The following SCN9A variants were observed in gnomAD, a reference collection of about 807,000 sequenced individuals.
SCN9A encodes sodium channel protein type 9 subunit alpha.
In SCN9A, 131 loss-of-function variants were observed where a neutral mutation model predicts 187.0. The ratio of observed to expected loss-of-function variants is 0.70; its 90% confidence interval spans 0.61 to 0.81. The LOEUF is 0.81. Ranked by LOEUF, SCN9A falls within the 30% of genes least tolerant of loss-of-function variation. SCN9A has a pLI of 0.00. For missense variants in SCN9A, 2,252 were observed against 2,396.6 expected, an observed-to-expected ratio of 0.94 and a Z score of 1.26; for synonymous variants, 809 against 808.6, an observed-to-expected ratio of 1.00 and a Z score of -0.01.
At position 166,252,485 on chromosome 2, in the gene SCN9A, G is replaced by A. The variant is rs573049879; in HGVS notation, c.3352-600C>T. Among the ~76,000 whole-genome samples, 9 of 151,836 alleles carry A rather than the reference G, an allele frequency of 5.9e-5. No homozygotes were observed. The South Asian group carries it at 6.2e-4, about 11-fold the overall frequency. On this transcript the variant is annotated intron_variant, in intron 17 of 26. Coordinates refer to ENST00000642356, the MANE Select transcript of SCN9A (RefSeq NM_001365536.1). ...TGATCAAGACCACAAAATCAAATAC[G>A]GTTTTGAAATCAAAATGCCAATGAC...
intron 1 of SCN9A, among the ~76,000 whole-genome samples, chr2:166,341,306 C>T (rs1326793321): frequency 1.3e-5 from 2 of 152,150 alleles, no homozygotes; most frequent in East Asian, 1.9e-4. Flanking sequence ...AAAATATAAA[C>T]TGCAAAGATT....
intron 4 of SCN9A, 135 bp from the exon 5 acceptor site, chr2:166,306,055 C>G: frequency 1.1e-6 from 1 of 908,670 alleles, no homozygotes; most frequent in Non-Finnish European, 1.7e-6. Context: ...TGGACACACC[C>G]TATTAAACTA....
At chr2:166,331,932 C>A (rs760557658) in intron 1 of SCN9A, among the ~76,000 whole-genome samples, 20 of 152,038 alleles carry the variant, frequency 1.3e-4, no homozygotes, top group Non-Finnish European at 2.8e-4. Flanking sequence ...ATCCAATCTT[C>A]CTTCTTATCT....
At position 166,242,653 on chromosome 2, in the gene SCN9A, C is replaced by T. The variant is rs1018959938; in HGVS notation, c.3476G>A (p.Cys1159Tyr). The stretch of plus-strand genomic sequence containing the variant: ...TTGGCAGCATGAGAACCTCCATACA[C>T]AACCTGACAAGAAAGACATGCATGT... Reference protein sequence around the residue: ...DEPEACFTDGCVWRFSCCQVN... With the variant: ...DEPEACFTDGYVWRFSCCQVN... Residue 1159 changes from cysteine to tyrosine, a missense_variant, in exon 19 of 27, where the codon TGT (cysteine) becomes TAT (tyrosine). Transcript: ENST00000642356. 5.8e-6 allele frequency: 9 copies of T among 1,546,114 alleles called. No individual in the cohort carries two copies. Among genetic ancestry groups the T allele is most frequent in the Admixed American group, 3.9e-5 (2 of 50,648 alleles).
chr2:166,264,977 G>A, intron 17 of SCN9A, among the ~76,000 whole-genome samples: 1 of 151,946 alleles, frequency 6.6e-6, no homozygotes, highest in East Asian at 1.9e-4. Context: ...GGGTACATGT[G>A]ATAGTTTGAT....
At chr2:166,346,087 G>C (rs980356772) in intron 1 of SCN9A, among the ~76,000 whole-genome samples, 1 of 152,132 alleles carries the variant, frequency 6.6e-6, no homozygotes, top group African/African-American at 2.4e-5. Flanking sequence ...GGGCTTTTGA[G>C]TAACCTGTGC....
At chr2:166,311,974 G>C (rs1308234252) in intron 1 of SCN9A, among the ~76,000 whole-genome samples, 168 bp from the exon 2 acceptor site, 2 of 152,080 alleles carry the variant, frequency 1.3e-5, no homozygotes, top group Non-Finnish European at 2.9e-5. Flanking sequence ...CAATGGGCGG[G>C]ACTTATCTTT....
At chr2:166,348,783 C>A (rs1699963258) in intron 1 of SCN9A, among the ~76,000 whole-genome samples, 1 of 151,996 alleles carries the variant, frequency 6.6e-6, no homozygotes, top group South Asian at 2.1e-4. Flanking sequence ...TAATTCTTCC[C>A]TCAGGAGCCA....
At chr2:166,262,319 G>T (rs1472003589) in intron 17 of SCN9A, among the ~76,000 whole-genome samples, 1 of 151,938 alleles carries the variant, frequency 6.6e-6, no homozygotes, top group East Asian at 1.9e-4. Flanking sequence ...AAAGGAAAGG[G>T]TTATGTAGTC....
chr2:166,292,132 G>A (rs1698101530), intron 9 of SCN9A, among the ~76,000 whole-genome samples: 1 of 152,002 alleles, frequency 6.6e-6, no homozygotes, highest in African/African-American at 2.4e-5. Flanking sequence ...GAGTGAACAG[G>A]CAAACTATAG....
chr2:166,346,304 C>A (rs966212460), intron 1 of SCN9A, among the ~76,000 whole-genome samples: 1 of 152,284 alleles, frequency 6.6e-6, no homozygotes, highest in African/African-American at 2.4e-5. Flanking sequence ...TAGCAAAGAT[C>A]ATAGTATTAT....
At chr2:166,369,955 C>A (rs549417854) in intron 1 of SCN9A, among the ~76,000 whole-genome samples, 65 of 152,166 alleles carry the variant, frequency 4.3e-4, no homozygotes, top group African/African-American at 1.5e-3. Context: ...CAGGGGTGAC[C>A]AGCTGTGCCT....
intron 10 of SCN9A, among the ~76,000 whole-genome samples, chr2:166,288,091 GTT>G (rs1301116986): frequency 4.4e-5 from 3 of 67,578 alleles, no homozygotes; most frequent in Admixed American, 1.5e-4. Context: ...AGTTCCATGT[GTT>G]TATATATATA....
Position 166,228,794 on chromosome 2 carries a change from G to T in SCN9A, c.4103C>A (p.Ser1368Tyr). 2 of 1,613,796 alleles carry T rather than the reference G, an allele frequency of 1.2e-6. 1 individual carries two copies. The highest frequency in any genetic ancestry group is 2.2e-5 in the South Asian group (2 of 91,072). The change falls in exon 22 of 27, where the codon TCC becomes TAC. Residue 1368 changes from serine (S) to tyrosine (Y), a missense_variant. By Grantham distance (144) the Ser-to-Tyr change is moderately radical. Transcript: ENST00000642356. ...RFPASQVPNR[S>Y]ECFALMNVSQ... The stretch of plus-strand genomic sequence containing the variant: ...AACATTCATAAGGGCAAAACATTCG[G>T]AACGATTTGGAACTTGACTTGCAGG...
At chr2:166,324,683 G>A (rs4132348) in intron 1 of SCN9A, among the ~76,000 whole-genome samples, 2,063 of 152,230 alleles carry the variant, frequency 0.014, 17 homozygotes, top group African/African-American at 0.02. Flanking sequence ...TTTTACATAT[G>A]TGATCTTCCT....
At chr2:166,213,590 T>C (rs1694192333) in intron 24 of SCN9A, among the ~76,000 whole-genome samples, 1 of 151,870 alleles carries the variant, frequency 6.6e-6, no homozygotes, top group Admixed American at 6.6e-5. Flanking sequence ...ACAACATTAA[T>C]TCTTCTCAAA....
rs1041042907 is a variant in SCN9A at position 166,196,866 on chromosome 2, C to T, written c.*1806G>A. ...CTTTAGCCCTAGATTGAGTTTTATA[C>T]GTAGATTAGGACAAATGTCTCAAAG... On this transcript the variant is annotated 3_prime_UTR_variant, in exon 27 of 27. Coordinates refer to ENST00000642356, the MANE Select transcript of SCN9A (RefSeq NM_001365536.1). 3 of 152,040 alleles carry T rather than the reference C, an allele frequency of 2.0e-5. No homozygotes were observed. The highest frequency in any genetic ancestry group is 6.6e-5 in the Admixed American group (1 of 15,258). The allele number at this position is 152,040 out of a possible 1,614,324, so 9.4% of individuals were successfully genotyped here.
intron 1 of SCN9A, among the ~76,000 whole-genome samples, chr2:166,342,910 G>A (rs1380534095): frequency 6.6e-6 from 1 of 152,154 alleles, no homozygotes; most frequent in African/African-American, 2.4e-5. Context: ...CTTCCCTGGA[G>A]AACTCAGGCA....
chr2:166,290,604 C>A (rs369253778), intron 9 of SCN9A, among the ~76,000 whole-genome samples: 5 of 152,120 alleles, frequency 3.3e-5, no homozygotes, highest in African/African-American at 1.2e-4. Context: ...TTAATAATCA[C>A]CATTCTGACT....
Sources: gnomAD v4.1 joint callset for allele counts (sites outside exome capture counted in the v4.1 genomes callset) on GRCh38, gnomAD v4.1.1 for gene constraint, MANE v1.5 for transcripts, NCBI Gene and HGNC (gene_info 2026-07-23, HGNC 2026-07-21) for gene names.